The following SLC31A1 variants were observed in gnomAD, a reference collection of about 807,000 sequenced individuals.
SLC31A1 encodes solute carrier family 31 member 1.
In SLC31A1, 5 loss-of-function variants were observed where a neutral mutation model predicts 17.2. The observed-to-expected ratio is 0.29, with a 90% CI of 0.15 to 0.61. SLC31A1 has a LOEUF of 0.61. Ranked by LOEUF, SLC31A1 falls within the 20% of genes least tolerant of loss-of-function variation. The pLI is 0.86. For synonymous variants in SLC31A1, 76 were observed against 78.8 expected, an observed-to-expected ratio of 0.96 and a Z score of 0.19; for missense variants, 161 against 241.4, an observed-to-expected ratio of 0.67 and a Z score of 2.21.
At chr9:113,231,413 A>C (rs193220577) in intron 1 of SLC31A1, among the ~76,000 whole-genome samples, 45 of 152,214 alleles carry the variant, frequency 3.0e-4, no homozygotes, top group African/African-American at 1.1e-3. Context: ...AAAGTTTTAA[A>C]ATTAGCTGAG....
chr9:113,257,173 AAT>A lies in SLC31A1; in HGVS notation c.192_193del (p.Thr65SerfsTer19). 1 of 1,613,672 alleles carries A rather than the reference AAT, an allele frequency of 6.2e-7. No individual in the cohort carries two copies. Among genetic ancestry groups the A allele is most frequent in the Non-Finnish European group, 8.5e-7 (1 of 1,179,632 alleles). ...ACTACTGTTTTCCGGTTTGGTGATC[AAT>A]ACAGCTGGAGGTGAGTAAGCCATTA... ...VELLFSGLVINTAGEMAGAFV... is the reference protein window; with the variant it reads ...VELLFSGLVIXTAGEMAGAFV... On this transcript the variant is annotated frameshift_variant, in exon 3 of 5. Transcript: ENST00000374212. LOFTEE classifies it high-confidence loss of function.
intron 1 of SLC31A1, among the ~76,000 whole-genome samples, chr9:113,253,577 T>TG (rs1176784232): frequency 1.0e-3 from 139 of 135,642 alleles, no homozygotes; most frequent in African/African-American, 3.6e-3. Context: ...TTTTTTGAAA[T>TG]GGAGTCTTGC....
intron 1 of SLC31A1, among the ~76,000 whole-genome samples, chr9:113,243,130 T>G (rs182185118): frequency 2.5e-3 from 373 of 152,186 alleles, no homozygotes; most frequent in African/African-American, 8.5e-3. Context: ...GATTATGTAA[T>G]TCAGTATTCT....
chr9:113,224,584 A>G (rs1022193103), intron 1 of SLC31A1, among the ~76,000 whole-genome samples: 1 of 152,106 alleles, frequency 6.6e-6, no homozygotes, highest in Admixed American at 6.5e-5. Flanking sequence ...ATGTGCCACC[A>G]TGCCCGGCTA....
intron 1 of SLC31A1, among the ~76,000 whole-genome samples, chr9:113,241,029 G>A (rs1226600791): frequency 7.1e-6 from 1 of 141,818 alleles, no homozygotes. Context: ...CAGTCAGGGC[G>A]ACAGAGCGAG....
At chr9:113,251,483 A>G (rs1426919434) in intron 1 of SLC31A1, among the ~76,000 whole-genome samples, 1 of 152,084 alleles carries the variant, frequency 6.6e-6, no homozygotes, top group African/African-American at 2.4e-5. Context: ...ATTTTAACTT[A>G]TTGTTACATG....
chr9:113,260,221 C>G, intron 4 of SLC31A1, 51 bp from the exon 5 acceptor site: 1 of 1,517,256 alleles, frequency 6.6e-7, no homozygotes. Flanking sequence ...TTCTCCTGAT[C>G]TGCAGAACTC....
chr9:113,235,341 A>T (rs1831445077), intron 1 of SLC31A1, among the ~76,000 whole-genome samples: 1 of 152,238 alleles, frequency 6.6e-6, no homozygotes, highest in Admixed American at 6.5e-5. Flanking sequence ...GAAGAATGTG[A>T]CCAATCTTGG....
In SLC31A1 at chr9:113,223,852, A is replaced by G. The variant is rs183642009; in HGVS notation, c.-36+2174A>G. Among the ~76,000 whole-genome samples the G allele has an allele frequency of 2.0e-5, 3 of 152,362 alleles. No individual in the cohort carries two copies. The East Asian group carries it at 5.8e-4, about 29-fold the overall frequency. ...TTATAACCAAGTTATATCAGGCATA[A>G]TGATAGGAATATGAATTAAATGCAG... On this transcript the variant is annotated intron_variant, in intron 1 of 4. Transcript: ENST00000374212.
intron 1 of SLC31A1, among the ~76,000 whole-genome samples, chr9:113,225,335 A>C (rs950266268): frequency 6.6e-6 from 1 of 152,262 alleles, no homozygotes; most frequent in African/African-American, 2.4e-5. Flanking sequence ...AATACCTTGA[A>C]GGTCAAGGTG....
In SLC31A1 at chr9:113,258,902, C is replaced by A. The variant is rs1298347306; in HGVS notation, c.371+40C>A. 4 of 1,602,516 alleles carry A rather than the reference C, an allele frequency of 2.5e-6. No individual in the cohort carries two copies. In the East Asian group the frequency reaches 8.9e-5, roughly 36 times the overall value. On this transcript the variant is annotated intron_variant, in intron 4 of 4. Coordinates refer to ENST00000374212, the MANE Select transcript of SLC31A1 (RefSeq NM_001859.4). This position sits in a 1 kb window ranked among gnomAD's most constrained non-coding sequence, Gnocchi z 4.8. ...GATCCAGATGAAGTCCTAAAGAACTCGATCAGTTAAGCAGCAAAGCGCAGC... is the reference window on the plus strand; with the variant it reads ...GATCCAGATGAAGTCCTAAAGAACTAGATCAGTTAAGCAGCAAAGCGCAGC...
At chr9:113,259,599 T>C (rs867928747) in intron 4 of SLC31A1, among the ~76,000 whole-genome samples, 54 of 122,576 alleles carry the variant, frequency 4.4e-4, no homozygotes, top group African/African-American at 1.6e-3. Context: ...TTTTTTTTTT[T>C]CTGGAGACAG....
At chr9:113,247,341 C>T (rs1452197979) in intron 1 of SLC31A1, among the ~76,000 whole-genome samples, 2 of 152,196 alleles carry the variant, frequency 1.3e-5, no homozygotes. Context: ...CTGTCCCGGG[C>T]TCCAGATTAT....
chr9:113,252,928 G>A (rs577278793), intron 1 of SLC31A1, among the ~76,000 whole-genome samples: 1 of 151,030 alleles, frequency 6.6e-6, no homozygotes, highest in Non-Finnish European at 1.5e-5. Flanking sequence ...TTCCTGGCTA[G>A]CGAAAGTCTT....
In SLC31A1 at chr9:113,262,571, C is replaced by A. The variant is rs1831805589; in HGVS notation, c.*2098C>A. On this transcript the variant is annotated 3_prime_UTR_variant, in exon 5 of 5. Transcript: ENST00000374212. ...GAATGTGGACTTGTATGGCTTTGAA[C>A]CAAGAGAGGGTTATGAGCCTACTGG... 1.3e-5 allele frequency: 2 copies of A among 152,462 alleles called. No homozygotes were observed. Among genetic ancestry groups the A allele is most frequent in the Non-Finnish European group, 2.9e-5 (2 of 68,012 alleles). 9.4% of individuals were successfully genotyped at this position (152,462 alleles called of 1,614,324 possible).
At chr9:113,247,951 C>G (rs1229307625) in intron 1 of SLC31A1, among the ~76,000 whole-genome samples, 1 of 152,112 alleles carries the variant, frequency 6.6e-6, no homozygotes, top group Non-Finnish European at 1.5e-5. Context: ...TTTATGTGAA[C>G]TAAATTCCAC....
chr9:113,234,714 C>T (rs1368451722), intron 1 of SLC31A1, among the ~76,000 whole-genome samples: 1 of 151,938 alleles, frequency 6.6e-6, no homozygotes, highest in Non-Finnish European at 1.5e-5. Flanking sequence ...TTTATTTTTA[C>T]CCAAACTTCC....
chr9:113,231,711 A>G (rs1173338086), intron 1 of SLC31A1, among the ~76,000 whole-genome samples: 1 of 152,246 alleles, frequency 6.6e-6, no homozygotes, highest in Non-Finnish European at 1.5e-5. Flanking sequence ...TTTTATGTGT[A>G]TGAAATCATC....
chr9:113,244,184 A>T (rs1236461549), intron 1 of SLC31A1, among the ~76,000 whole-genome samples: 5 of 146,724 alleles, frequency 3.4e-5, no homozygotes, highest in African/African-American at 1.3e-4. Flanking sequence ...AAAAAAGGCT[A>T]TTCCTACTAC....
Sources: allele counts gnomAD v4.1 joint callset (sites outside exome capture counted in the v4.1 genomes callset), GRCh38; gene constraint gnomAD v4.1.1; non-coding constraint Gnocchi (gnomAD v3.1); transcripts MANE v1.5; gene names NCBI Gene and HGNC (gene_info 2026-07-23, HGNC 2026-07-21).